Variants in SUCLG2 observed in about 807,000 individuals in gnomAD.
SUCLG2 encodes the protein succinate--CoA ligase [GDP-forming] subunit beta, mitochondrial.
Under a neutral mutation model 47.9 loss-of-function variants are expected in SUCLG2, and 42 were observed. That is an observed-to-expected ratio of 0.88 (90% CI 0.69 to 1.14). The LOEUF (loss-of-function observed/expected upper bound fraction) is 1.14. Ranked by LOEUF, SUCLG2 falls within the 50% of genes most tolerant of loss-of-function variation. SUCLG2 has a pLI of 0.00. For synonymous variants in SUCLG2, 195 were observed against 197.3 expected (o/e 0.99, Z 0.10); for missense variants, 571 against 525.9 (o/e 1.09, Z -0.84).
At chr3:67,374,674 T>C (rs1452897424), downstream of SUCLG2, 2 of 767,364 alleles carry the variant, frequency 2.6e-6, no homozygotes, top group Admixed American at 1.3e-4. Context: ...AAAAAAAAAA[T>C]GTTTGAGGAA....
At chr3:67,463,203 T>C (rs934953984) in intron 9 of SUCLG2, among the ~76,000 whole-genome samples, 5 of 152,330 alleles carry the variant, frequency 3.3e-5, no homozygotes, top group Admixed American at 6.5e-5. Flanking sequence ...CTGAATGTCA[T>C]TGAAAATTTT....
chr3:67,419,864 A>C lies in SUCLG2; in HGVS notation c.1063-19013T>G, dbSNP rs186179261. 1.8e-4 allele frequency among the ~76,000 whole-genome samples: 28 copies of C among 152,338 alleles called. No individual in the cohort carries two copies. The East Asian group carries it at 2.5e-3, about 14-fold the overall frequency. ...GTTGCATGATTAAATGAGAAGCTGAAAATCAAAAGCTGCTGAACCATTCAA... is the reference window on the plus strand; with the variant it reads ...GTTGCATGATTAAATGAGAAGCTGACAATCAAAAGCTGCTGAACCATTCAA... On this transcript the variant is annotated intron_variant, in intron 9 of 10. Coordinates refer to ENST00000307227, the MANE Select transcript of SUCLG2 (RefSeq NM_003848.4).
At chr3:67,599,476 C>A (rs958449782) in intron 2 of SUCLG2, among the ~76,000 whole-genome samples, 1 of 152,122 alleles carries the variant, frequency 6.6e-6, no homozygotes, top group African/African-American at 2.4e-5. Context: ...AGTGTCTCAA[C>A]GGGATCCAGG....
intron 2 of SUCLG2, among the ~76,000 whole-genome samples, chr3:67,601,075 G>GA (rs1308227395): frequency 6.6e-6 from 1 of 151,828 alleles, no homozygotes; most frequent in East Asian, 1.9e-4. Flanking sequence ...TAATATTTTG[G>GA]AAAAAAATTT....
chr3:67,589,711 G>A (rs1708108042), intron 2 of SUCLG2, among the ~76,000 whole-genome samples: 1 of 152,236 alleles, frequency 6.6e-6, no homozygotes, highest in African/African-American at 2.4e-5. Flanking sequence ...TGCTCAAGGG[G>A]TGGCTGTGTG....
intron 1 of SUCLG2, among the ~76,000 whole-genome samples, chr3:67,622,106 A>G (rs1267008050): frequency 6.6e-6 from 1 of 152,236 alleles, no homozygotes; most frequent in African/African-American, 2.4e-5. Flanking sequence ...CTACATAGAA[A>G]TAACAAAAAC....
chr3:67,418,980 T>C (rs945571777), intron 9 of SUCLG2, among the ~76,000 whole-genome samples: 1 of 151,390 alleles, frequency 6.6e-6, no homozygotes, highest in East Asian at 1.9e-4. Context: ...TGCCAAGTCA[T>C]GGATTTAAAA....
intron 7 of SUCLG2, among the ~76,000 whole-genome samples, chr3:67,499,611 T>A (rs1232812891): frequency 6.6e-6 from 1 of 152,200 alleles, no homozygotes; most frequent in Non-Finnish European, 1.5e-5. Context: ...GAGACTGCAG[T>A]GGAGAGGGTG....
chr3:67,500,110 C>T (rs191511618), intron 7 of SUCLG2, among the ~76,000 whole-genome samples: 1 of 152,288 alleles, frequency 6.6e-6, no homozygotes, highest in Non-Finnish European at 1.5e-5. Flanking sequence ...TATTCTCCTC[C>T]AGCATTGCTG....
At chr3:67,518,408 G>A (rs1291988335) in intron 5 of SUCLG2, 72 bp from the exon 6 acceptor site, 2 of 1,412,348 alleles carry the variant, frequency 1.4e-6, no homozygotes, top group Non-Finnish European at 2.0e-6. Context: ...AAAAGAAAAT[G>A]CTTAGTATTT....
intron 6 of SUCLG2, among the ~76,000 whole-genome samples, chr3:67,510,889 CTTT>C (rs369542916): frequency 1.3e-4 from 16 of 124,112 alleles, no homozygotes; most frequent in Admixed American, 4.2e-4. Flanking sequence ...TTAAATTGTT[CTTT>C]TTTTTTTTTT....
intron 9 of SUCLG2, among the ~76,000 whole-genome samples, chr3:67,475,146 C>T (rs1329031032): frequency 6.6e-6 from 1 of 152,154 alleles, no homozygotes; most frequent in Non-Finnish European, 1.5e-5. Flanking sequence ...CTACATACAA[C>T]TCAGAGTTCC....
At chr3:67,537,911 GGTTT>G (rs1394214948) in intron 2 of SUCLG2, among the ~76,000 whole-genome samples, 3 of 152,110 alleles carry the variant, frequency 2.0e-5, no homozygotes, top group African/African-American at 7.2e-5. Context: ...CTTTTTGATG[GGTTT>G]GTTTTCTTCT....
chr3:67,570,203 T>G (rs1032018740), intron 2 of SUCLG2, among the ~76,000 whole-genome samples: 1 of 152,208 alleles, frequency 6.6e-6, no homozygotes, highest in Non-Finnish European at 1.5e-5. Flanking sequence ...CTTCTAGCTT[T>G]CAGAACTATG....
At chr3:67,491,648 G>A (rs1021063053) in intron 9 of SUCLG2, among the ~76,000 whole-genome samples, 3 of 152,088 alleles carry the variant, frequency 2.0e-5, no homozygotes, top group East Asian at 1.9e-4. Context: ...ATGAGCCACC[G>A]CATCCAGCCA....
chr3:67,643,470 T>C lies in SUCLG2; in HGVS notation c.84+11033A>G, dbSNP rs548839887. Among the ~76,000 whole-genome samples, 4 of 152,328 alleles carry C rather than the reference T, an allele frequency of 2.6e-5. No homozygotes were observed. In the South Asian group the frequency reaches 8.3e-4, roughly 32 times the overall value. On this transcript the variant is annotated intron_variant, in intron 1 of 10. Coordinates refer to ENST00000307227, the MANE Select transcript of SUCLG2 (RefSeq NM_003848.4). Reference sequence around the variant, plus strand: ...TTACATCAATTAGCCTATAGAAAACTGGTTTGCTTTATGGTGAAACCATTT... The same window carrying C: ...TTACATCAATTAGCCTATAGAAAACCGGTTTGCTTTATGGTGAAACCATTT...
At chr3:67,558,867 T>C (rs79502885) in intron 2 of SUCLG2, among the ~76,000 whole-genome samples, 9,331 of 152,282 alleles carry the variant, frequency 0.061, 421 homozygotes, top group Middle Eastern at 0.095. Context: ...TATGGTATAA[T>C]TTTGTTAATT....
At chr3:67,470,604 T>C (rs1704581542) in intron 9 of SUCLG2, among the ~76,000 whole-genome samples, 1 of 152,162 alleles carries the variant, frequency 6.6e-6, no homozygotes, top group Non-Finnish European at 1.5e-5. Context: ...CAGCCCCCAT[T>C]TTCTCTCTGT....
chr3:67,581,061 T>A (rs895290439), intron 2 of SUCLG2, among the ~76,000 whole-genome samples: 2 of 152,232 alleles, frequency 1.3e-5, no homozygotes, highest in Non-Finnish European at 2.9e-5. Context: ...TGCTAACTTC[T>A]TCTGAAGAAT....
Sources: allele counts gnomAD v4.1 joint callset (sites outside exome capture counted in the v4.1 genomes callset), GRCh38; gene constraint gnomAD v4.1.1; transcripts MANE v1.5; gene names NCBI Gene and HGNC (gene_info 2026-07-23, HGNC 2026-07-21).